Variants in STEAP1B observed in about 807,000 individuals in gnomAD.
STEAP1B encodes STEAP family protein MGC87042.
Under a neutral mutation model 27.9 loss-of-function variants are expected in STEAP1B, and 13 were observed. That is an observed-to-expected ratio of 0.47 (90% CI 0.30 to 0.74). The LOEUF (loss-of-function observed/expected upper bound fraction) is 0.74, where lower values mean the gene tolerates loss of function less well. Among genes scored for constraint, STEAP1B ranks in the 30% least tolerant of loss-of-function variants. The pLI, the probability that STEAP1B is intolerant of heterozygous loss-of-function variation, is 0.06. For synonymous variants in STEAP1B, 86 were observed against 107.1 expected (o/e 0.80, Z 1.22); for missense variants, 250 against 298.7 (o/e 0.84, Z 1.20).
intron 4 of STEAP1B, among the ~76,000 whole-genome samples, chr7:22,453,063 C>T (rs1785516289): frequency 6.6e-6 from 1 of 152,160 alleles, no homozygotes; most frequent in South Asian, 2.1e-4. Context: ...TTCCCCCTTC[C>T]ACCAACTCCC....
chr7:22,493,184 T>C lies in STEAP1B; in HGVS notation c.597+140A>G. 17 of 1,100,280 alleles carry C rather than the reference T, an allele frequency of 1.5e-5. No homozygotes were observed. The South Asian group carries it at 3.1e-4, about 20-fold the overall frequency. The allele number at this position is 1,100,280 out of a possible 1,614,324, so 68.2% of individuals were successfully genotyped here. The stretch of plus-strand genomic sequence containing the variant: ...TGACAACCAAGCCCTAGTGTAATTA[T>C]AAGAAAAATTTTAAAATAGATGACT... On this transcript the variant is annotated intron_variant, in intron 3 of 4. Transcript: ENST00000678116.
intron 4 of STEAP1B, among the ~76,000 whole-genome samples, chr7:22,429,100 A>C (rs904808535): frequency 2.0e-5 from 3 of 152,202 alleles, no homozygotes; most frequent in Admixed American, 2.0e-4. Flanking sequence ...GGACACAATC[A>C]CTTTGGTAAA....
chr7:22,424,379 T>G (rs1426137933), intron 4 of STEAP1B, among the ~76,000 whole-genome samples: 2 of 152,240 alleles, frequency 1.3e-5, no homozygotes, highest in East Asian at 3.9e-4. Flanking sequence ...ACCACCCCTT[T>G]GAAAAATGAC....
chr7:22,424,170 C>CA (rs1455677428), intron 4 of STEAP1B, among the ~76,000 whole-genome samples: 1 of 152,068 alleles, frequency 6.6e-6, no homozygotes, highest in Non-Finnish European at 1.5e-5. Flanking sequence ...TGAAAAATAA[C>CA]AAAGGGATGA....
rs897844862 is a variant in STEAP1B at position 22,489,483 on chromosome 7, G to A, written c.762+3082C>T. On this transcript the variant is annotated intron_variant, in intron 4 of 4. Coordinates refer to ENST00000678116, the MANE Select transcript of STEAP1B (RefSeq NM_001382447.1). ...AAGTACCTGTGACTGTGACCTTACTGGGAGATAGGGTCTTTGCAGATGATC... is the reference window on the plus strand; with the variant it reads ...AAGTACCTGTGACTGTGACCTTACTAGGAGATAGGGTCTTTGCAGATGATC... Among the ~76,000 whole-genome samples, 5 of 152,170 alleles carry A rather than the reference G, an allele frequency of 3.3e-5. No homozygotes were observed. In the South Asian group the frequency reaches 1.0e-3, roughly 32 times the overall value.
intron 4 of STEAP1B, among the ~76,000 whole-genome samples, chr7:22,456,463 A>G (rs1304592214): frequency 6.6e-6 from 1 of 152,168 alleles, no homozygotes; most frequent in African/African-American, 2.4e-5. Flanking sequence ...ATTCTTATTC[A>G]TCTTTATAAC....
chr7:22,447,403 A>G (rs552098485), intron 4 of STEAP1B, among the ~76,000 whole-genome samples: 2 of 152,342 alleles, frequency 1.3e-5, no homozygotes, highest in African/African-American at 2.4e-5. Context: ...TCAATATTGT[A>G]TATTTATAAA....
intron 1 of STEAP1B, among the ~76,000 whole-genome samples, chr7:22,496,154 T>C (rs1786436055): frequency 1.3e-5 from 2 of 149,338 alleles, no homozygotes; most frequent in Non-Finnish European, 3.0e-5. Context: ...TGTGTGTGTG[T>C]TTGTGTCTTA....
chr7:22,455,566 ATTAAG>A (rs998176917), intron 4 of STEAP1B, among the ~76,000 whole-genome samples: 11 of 152,106 alleles, frequency 7.2e-5, no homozygotes, highest in African/African-American at 2.2e-4. Context: ...CCCGTTTTTT[ATTAAG>A]TTGTCTTTTT....
chr7:22,455,461 A>G (rs1181430090), intron 4 of STEAP1B, among the ~76,000 whole-genome samples: 1 of 152,206 alleles, frequency 6.6e-6, no homozygotes, highest in East Asian at 1.9e-4. Context: ...GATTTTATTT[A>G]GCATTTTCCT....
chr7:22,478,947 T>G (rs1260062507), intron 4 of STEAP1B, among the ~76,000 whole-genome samples: 1 of 151,920 alleles, frequency 6.6e-6, no homozygotes, highest in East Asian at 1.9e-4. Flanking sequence ...CAAGTGGAGG[T>G]GCTCCTGCAG....
At chr7:22,452,943 C>G (rs1321258526) in intron 4 of STEAP1B, among the ~76,000 whole-genome samples, 2 of 152,086 alleles carry the variant, frequency 1.3e-5, no homozygotes, top group African/African-American at 4.8e-5. Flanking sequence ...TTGAATCCTG[C>G]CCAAGAAGAG....
At chr7:22,481,068 G>A (rs1583652171) in intron 4 of STEAP1B, among the ~76,000 whole-genome samples, 2 of 152,218 alleles carry the variant, frequency 1.3e-5, no homozygotes, top group African/African-American at 4.8e-5. Context: ...GCTCTGTGAG[G>A]GGAGGTCACT....
intron 4 of STEAP1B, among the ~76,000 whole-genome samples, chr7:22,431,671 T>C (rs1353350156): frequency 6.6e-6 from 1 of 152,250 alleles, no homozygotes; most frequent in African/African-American, 2.4e-5. Flanking sequence ...TTTTGATTTC[T>C]GACTTATAGC....
intron 1 of STEAP1B, among the ~76,000 whole-genome samples, chr7:22,499,639 G>C (rs1351173991): frequency 6.6e-6 from 1 of 152,148 alleles, no homozygotes; most frequent in Non-Finnish European, 1.5e-5. Flanking sequence ...CCCAGATCCT[G>C]AAAGAGTAGG....
At chr7:22,437,979 G>A (rs973555814) in intron 4 of STEAP1B, among the ~76,000 whole-genome samples, 3 of 151,992 alleles carry the variant, frequency 2.0e-5, no homozygotes, top group Non-Finnish European at 2.9e-5. Context: ...TGAGTTGTAG[G>A]CACACTCTAA....
At chr7:22,462,653 C>T (rs28544311) in intron 4 of STEAP1B, among the ~76,000 whole-genome samples, 2,435 of 146,914 alleles carry the variant, frequency 0.017, 90 homozygotes, top group African/African-American at 0.06. Flanking sequence ...TTGGTTGGTT[C>T]CAAGTCTTTG....
Position 22,493,764 on chromosome 7 carries a change from C to G in STEAP1B, c.157G>C (p.Asp53His), listed in dbSNP as rs769091529. ...LLHLQQTAHA[D>H]EFDCPSELQH... ...AGTTCTGAAGGGCAGTCAAATTCAT[C>G]AGCATGGGCTGTTTGCTGCAAATGC... Residue 53 changes from aspartate (D) to histidine (H), a missense_variant, in exon 3 of 5, where the codon GAT (aspartate) becomes CAT (histidine). Transcript: ENST00000678116. 1 of 1,613,678 alleles carries G rather than the reference C, an allele frequency of 6.2e-7. No individual in the cohort carries two copies. The highest frequency in any genetic ancestry group is 1.7e-5 in the Admixed American group (1 of 59,988).
chr7:22,487,640 AC>A (rs1301368666), intron 4 of STEAP1B, among the ~76,000 whole-genome samples: 1 of 151,726 alleles, frequency 6.6e-6, no homozygotes, highest in East Asian at 1.9e-4. Context: ...CCCTGTCTCT[AC>A]TAAAATTATA....
Sources: allele counts gnomAD v4.1 joint callset (sites outside exome capture counted in the v4.1 genomes callset), GRCh38; gene constraint gnomAD v4.1.1; transcripts MANE v1.5; gene names NCBI Gene and HGNC (gene_info 2026-07-23, HGNC 2026-07-21).